CEP112: variants seen among roughly 807,000 people sequenced by gnomAD.
CEP112 encodes centrosomal protein of 112 kDa.
In CEP112, 127 loss-of-function variants were observed where a neutral mutation model predicts 153.0. That is an observed-to-expected ratio of 0.83 (90% confidence interval 0.72 to 0.96). The LOEUF is 0.96. CEP112 is among the 40% of genes least tolerant of loss of function. The pLI, the probability that CEP112 is intolerant of heterozygous loss-of-function variation, is 0.00. For synonymous variants in CEP112, 358 were observed against 374.4 expected (o/e 0.96, Z 0.51); for missense variants, 1,089 against 1,101.2 (o/e 0.99, Z 0.16).
intron 24 of CEP112, among the ~76,000 whole-genome samples, chr17:65,659,742 G>GA (rs1436379022): frequency 1.3e-5 from 2 of 152,104 alleles, no homozygotes; most frequent in East Asian, 1.9e-4. Context: ...CTTTCTGAAA[G>GA]AAAAAAGCTT....
At chr17:65,682,751 G>A (rs1415501020) in intron 24 of CEP112, among the ~76,000 whole-genome samples, 1 of 152,044 alleles carries the variant, frequency 6.6e-6, no homozygotes, top group Non-Finnish European at 1.5e-5. Flanking sequence ...AATGTCCCTT[G>A]AACACTCGGC....
chr17:65,746,199 G>GA (rs147416711), intron 22 of CEP112, among the ~76,000 whole-genome samples: 2,154 of 124,904 alleles, frequency 0.017, 40 homozygotes, highest in African/African-American at 0.062. Flanking sequence ...GAAAAGAAAA[G>GA]AAAAAAATGC....
intron 17 of CEP112, among the ~76,000 whole-genome samples, chr17:65,990,269 C>T (rs1294230883): frequency 6.6e-6 from 1 of 152,084 alleles, no homozygotes; most frequent in Admixed American, 6.5e-5. Flanking sequence ...TGATTCTTCC[C>T]CTCAACAGAA....
At chr17:65,674,937 A>G (rs2047154521) in intron 24 of CEP112, among the ~76,000 whole-genome samples, 1 of 152,260 alleles carries the variant, frequency 6.6e-6, no homozygotes, top group African/African-American at 2.4e-5. Context: ...GAACCAAGAC[A>G]TAGGTCCAAC....
At chr17:66,039,841 C>G (rs1385882913) in intron 12 of CEP112, among the ~76,000 whole-genome samples, 3 of 152,064 alleles carry the variant, frequency 2.0e-5, no homozygotes, top group African/African-American at 4.8e-5. Flanking sequence ...CAGTATGTAA[C>G]TTTTTGGGGT....
intron 21 of CEP112, among the ~76,000 whole-genome samples, chr17:65,811,014 T>C (rs1481680137): frequency 6.6e-6 from 1 of 152,128 alleles, no homozygotes; most frequent in Non-Finnish European, 1.5e-5. Flanking sequence ...GAAAAGGCAG[T>C]GTTGGAGGTT....
chr17:65,844,858 C>T (rs1489777331), intron 21 of CEP112, among the ~76,000 whole-genome samples: 1 of 151,406 alleles, frequency 6.6e-6, no homozygotes, highest in African/African-American at 2.4e-5. Flanking sequence ...TACTAAAATA[C>T]AAAAAATTAG....
At position 65,918,728 on chromosome 17, in the gene CEP112, G is replaced by C. The variant is rs1050932012; in HGVS notation, c.1980+8854C>G. On this transcript the variant is annotated intron_variant, in intron 19 of 26. Coordinates refer to ENST00000535342, the MANE Select transcript of CEP112 (RefSeq NM_001199165.4). The stretch of plus-strand genomic sequence containing the variant: ...TCTTTTTGTTCCAATGGGTTATACA[G>C]GAAAGAAACAGGAAATCTTGATGAA... Among the ~76,000 whole-genome samples the C allele has an allele frequency of 2.0e-4, 31 of 152,266 alleles. No individual in the cohort carries two copies. The East Asian group carries it at 6.0e-3, about 29-fold the overall frequency.
intron 24 of CEP112, among the ~76,000 whole-genome samples, chr17:65,663,486 G>A (rs1489490292): frequency 6.6e-6 from 1 of 152,110 alleles, no homozygotes; most frequent in Non-Finnish European, 1.5e-5. Context: ...GAAAAAGGGG[G>A]GCGGCCAGTA....
chr17:65,753,368 A>T (rs1004530649), intron 21 of CEP112, among the ~76,000 whole-genome samples: 2 of 152,230 alleles, frequency 1.3e-5, no homozygotes, highest in Non-Finnish European at 2.9e-5. Context: ...TGCCTCTTCT[A>T]TCGCCTCAGT....
chr17:65,966,107 G>A (rs2062405877), intron 17 of CEP112, among the ~76,000 whole-genome samples: 2 of 152,084 alleles, frequency 1.3e-5, no homozygotes, highest in Non-Finnish European at 2.9e-5. Flanking sequence ...TTAAAGCTGG[G>A]CCTCCATGAA....
chr17:65,956,301 T>A (rs7219737), intron 18 of CEP112, among the ~76,000 whole-genome samples: 3 of 151,752 alleles, frequency 2.0e-5, no homozygotes, highest in Non-Finnish European at 4.4e-5. Flanking sequence ...TACTTGCACA[T>A]GCATGTTTAT....
intron 25 of CEP112, among the ~76,000 whole-genome samples, chr17:65,639,608 C>G (rs1299153533): frequency 1.3e-5 from 2 of 150,410 alleles, no homozygotes; most frequent in Non-Finnish European, 2.9e-5. Context: ...TCGCTTGAAC[C>G]TGGGAGGCAG....
intron 24 of CEP112, among the ~76,000 whole-genome samples, chr17:65,680,037 T>G (rs755257258): frequency 3.9e-5 from 6 of 152,234 alleles, no homozygotes; most frequent in African/African-American, 1.2e-4. Context: ...AGGACTTTTT[T>G]GGTGTCTTTT....
intron 21 of CEP112, among the ~76,000 whole-genome samples, chr17:65,803,636 C>T (rs148182401): frequency 1.4e-3 from 209 of 152,214 alleles, no homozygotes; most frequent in African/African-American, 4.8e-3. Context: ...GTATCACATG[C>T]CATCTTAAAA....
intron 23 of CEP112, among the ~76,000 whole-genome samples, chr17:65,703,522 G>GAAAAAA (rs2048747539): frequency 3.1e-5 from 1 of 32,416 alleles, no homozygotes; most frequent in African/African-American, 7.5e-5. Context: ...AAAAAAAGAA[G>GAAAAAA]GAAAAAAAAA....
chr17:65,657,765 T>A (rs2046133119), intron 24 of CEP112, among the ~76,000 whole-genome samples: 1 of 152,294 alleles, frequency 6.6e-6, no homozygotes, highest in South Asian at 2.1e-4. Flanking sequence ...ACCTATAGAA[T>A]AAGGCTGATA....
chr17:66,111,820 C>A (rs552939779), intron 6 of CEP112, among the ~76,000 whole-genome samples: 1 of 152,038 alleles, frequency 6.6e-6, no homozygotes, highest in South Asian at 2.1e-4. Flanking sequence ...ACAGGTACCC[C>A]CAAACCTAAA....
chr17:65,727,500 G>C (rs1372561260), intron 23 of CEP112, among the ~76,000 whole-genome samples: 3 of 152,150 alleles, frequency 2.0e-5, no homozygotes, highest in African/African-American at 7.2e-5. Context: ...AGTTGAGAAG[G>C]GCTCCAAATA....
Sources: allele counts gnomAD v4.1 joint callset (sites outside exome capture counted in the v4.1 genomes callset), GRCh38; gene constraint gnomAD v4.1.1; transcripts MANE v1.5; gene names NCBI Gene and HGNC (gene_info 2026-07-23, HGNC 2026-07-21).